RASA3: variants seen among roughly 807,000 people sequenced by gnomAD.
RASA3 encodes ras GTPase-activating protein 3.
A neutral mutation model predicts 110.0 loss-of-function variants in RASA3; 73 were observed. That is an observed-to-expected ratio of 0.66 (90% CI 0.55 to 0.81). The LOEUF (loss-of-function observed/expected upper bound fraction) is 0.81, where lower values mean the gene tolerates loss of function less well. Ranked by LOEUF, RASA3 falls within the 30% of genes least tolerant of loss-of-function variation. The probability of loss-of-function intolerance (pLI) is 0.00; values close to 1 mark genes in which losing one functional copy is unlikely to be tolerated. For synonymous variants in RASA3, 500 were observed against 451.4 expected (o/e 1.11, Z -1.37); for missense variants, 976 against 1,113.2 (o/e 0.88, Z 1.75).
intron 1 of RASA3, chr13:114,078,040 C>G: frequency 1.0e-6 from 1 of 966,564 alleles, no homozygotes; most frequent in Non-Finnish European, 1.2e-6. Flanking sequence ...GCTATGACGA[C>G]AGCAACACCA....
Position 114,018,910 on chromosome 13 carries a change from G to C in RASA3, c.795C>G (p.Leu265=). ...QSSSYEAWYF[L]QPRDNGSKSL... ...TCTTGCTACCATTGTCCCGGGGCTG[G>C]AGGAAGTACCTGGGTGGGAGGGACA... The change falls in exon 10 of 24, where the codon CTC becomes CTG. Residue 265 remains leucine (L), a synonymous_variant. Coordinates refer to ENST00000334062, the MANE Select transcript of RASA3 (RefSeq NM_007368.4). 1.9e-6 allele frequency: 3 copies of C among 1,613,756 alleles called. No individual in the cohort carries two copies. Among genetic ancestry groups the C allele is most frequent in the South Asian group, 1.1e-5 (1 of 91,080 alleles).
chr13:114,118,080 A>G (rs765916180), intron 1 of RASA3, among the ~76,000 whole-genome samples: 2 of 152,112 alleles, frequency 1.3e-5, no homozygotes, highest in African/African-American at 2.4e-5. Flanking sequence ...GCACAATAGT[A>G]GCTCACCTCT....
rs1309337073 is a variant in RASA3 at position 114,056,259 on chromosome 13, T to G, written c.174-4104A>C. 6.6e-6 allele frequency among the ~76,000 whole-genome samples: 1 copy of G among 152,140 alleles called. No individual in the cohort carries two copies. Among genetic ancestry groups the G allele is most frequent in the Non-Finnish European group, 1.5e-5 (1 of 68,024 alleles). The stretch of plus-strand genomic sequence containing the variant: ...TGGTGAGTGGTGAGTGTCTGGTGTG[T>G]GTCTGATGTGTGTCTGATGCATATT... On this transcript the variant is annotated intron_variant, in intron 2 of 23. Transcript: ENST00000334062. This position sits in a 1 kb window ranked among gnomAD's most constrained non-coding sequence, Gnocchi z 5.7.
At chr13:113,980,986 G>A (rs1472624242) in intron 23 of RASA3, among the ~76,000 whole-genome samples, 2 of 152,160 alleles carry the variant, frequency 1.3e-5, no homozygotes, top group East Asian at 1.9e-4. Context: ...GGGCTTACCC[G>A]CCCCTGAATG....
rs1312959349 is a variant in RASA3, at chr13:114,114,116, G to A, written c.55+18319C>T. On this transcript the variant is annotated intron_variant, in intron 1 of 23. Coordinates refer to ENST00000334062, the MANE Select transcript of RASA3 (RefSeq NM_007368.4). This position sits in a 1 kb window ranked among gnomAD's most constrained non-coding sequence, Gnocchi z 4.8. ...GATGTCTGTAGTGTCTGCGATGTCT[G>A]TAGTATCTGCAATGTCCATGCAGCT... 6.6e-6 allele frequency among the ~76,000 whole-genome samples: 1 copy of A among 152,164 alleles called. No individual in the cohort carries two copies. The highest frequency in any genetic ancestry group is 1.5e-5 in the Non-Finnish European group (1 of 68,034).
At chr13:114,015,774 C>T (rs1048022045) in intron 13 of RASA3, among the ~76,000 whole-genome samples, 12 of 152,124 alleles carry the variant, frequency 7.9e-5, no homozygotes, top group African/African-American at 2.9e-4. Flanking sequence ...CCTGGGGAGG[C>T]AGGGAGGCCA....
chr13:114,027,804 C>A (rs764021761), intron 6 of RASA3, 43 bp downstream of exon 6: 19 of 1,579,132 alleles, frequency 1.2e-5, no homozygotes, highest in Admixed American at 3.3e-5. Context: ...GGACCCTAGC[C>A]CCCCAGGACC....
chr13:114,131,128 C>A (rs1434907702), intron 1 of RASA3, among the ~76,000 whole-genome samples: 1 of 152,248 alleles, frequency 6.6e-6, no homozygotes, highest in Non-Finnish European at 1.5e-5. Context: ...AATATCAAGA[C>A]AGTGTCTCAG....
Position 114,030,364 on chromosome 13 carries a change from G to GCTCACACAGCGGGCAAGA in RASA3, c.373-478_373-477insTCTTGCCCGCTGTGTGAG, listed in dbSNP as rs1247941661. Among the ~76,000 whole-genome samples, 999 of 135,500 alleles carry GCTCACACAGCGGGCAAGA rather than the reference G, an allele frequency of 7.4e-3. 4 individuals carry two copies. Among genetic ancestry groups the GCTCACACAGCGGGCAAGA allele is most frequent in the South Asian group, 0.011 (46 of 4,026 alleles). 88.9% of individuals were successfully genotyped at this position (135,500 alleles called of 152,430 possible). On this transcript the variant is annotated intron_variant, in intron 4 of 23. Coordinates refer to ENST00000334062, the MANE Select transcript of RASA3 (RefSeq NM_007368.4). ...TCGGAGAGCTCACACAGAGGGCAAG[G>GCTCACACAGCGGGCAAGA]CTCACACAGAGGGCAAGACTCACAC...
intron 4 of RASA3, among the ~76,000 whole-genome samples, chr13:114,039,746 C>A (rs571148215): frequency 6.6e-6 from 1 of 152,216 alleles, no homozygotes; most frequent in Non-Finnish European, 1.5e-5. Flanking sequence ...GGGCACCGTG[C>A]GTCCGTGAGC....
chr13:114,052,264 C>A, intron 2 of RASA3, 109 bp from the exon 3 acceptor site: 1 of 680,228 alleles, frequency 1.5e-6, no homozygotes, highest in South Asian at 1.8e-5. Flanking sequence ...GAATGCCCTG[C>A]ACTGTGTGGC....
Position 114,051,729 on chromosome 13 carries a change from G to A in RASA3, c.277+323C>T, listed in dbSNP as rs186021769. 2.6e-4 allele frequency among the ~76,000 whole-genome samples: 37 copies of A among 145,034 alleles called. No homozygotes were observed. In the East Asian group the frequency reaches 7.5e-3, roughly 29 times the overall value. On this transcript the variant is annotated intron_variant, in intron 3 of 23. Transcript: ENST00000334062. ...GAGGGAGGCCCCACATCCATGCAAA[G>A]GTCCCCCCACAGATGCCCCGGGGAA...
At position 113,999,670 on chromosome 13, in the gene RASA3, G is replaced by C; in HGVS notation, c.1850-3C>G. ...AATGCTGTAGAGAGGCTGGTCCCCT[G>C]CAGCAGAGATGGACTGTCAGTGGGT... On this transcript the variant is annotated splice_region_variant and splice_polypyrimidine_tract_variant and intron_variant, in intron 19 of 23. Transcript: ENST00000334062. The C allele has an allele frequency of 6.2e-7, 1 of 1,612,168 alleles. No individual in the cohort carries two copies. The highest frequency in any genetic ancestry group is 8.5e-7 in the Non-Finnish European group (1 of 1,179,208).
chr13:113,998,379 G>A (rs909683266), intron 20 of RASA3, among the ~76,000 whole-genome samples: 7 of 152,186 alleles, frequency 4.6e-5, no homozygotes, highest in African/African-American at 1.7e-4. Context: ...TGGACTGCCT[G>A]TGAATAACAT....
chr13:114,000,706 C>G, intron 19 of RASA3, 120 bp downstream of exon 19: 2 of 773,882 alleles, frequency 2.6e-6, no homozygotes, highest in Non-Finnish European at 4.4e-6. Flanking sequence ...ACCGCGGCCC[C>G]GGGCTCTGCC....
intron 1 of RASA3, among the ~76,000 whole-genome samples, chr13:114,106,074 A>C (rs550925683): frequency 6.6e-6 from 1 of 152,216 alleles, no homozygotes; most frequent in Non-Finnish European, 1.5e-5. Context: ...ATGGGTGCAC[A>C]TCGCAGAGCG....
At chr13:114,059,292 C>A (rs1019394300) in intron 2 of RASA3, among the ~76,000 whole-genome samples, 2 of 152,240 alleles carry the variant, frequency 1.3e-5, no homozygotes, top group Admixed American at 6.5e-5. Context: ...CTGCTCCCCC[C>A]AACCTAATTC....
chr13:114,017,107 C>T (rs1046169756), intron 12 of RASA3, 130 bp downstream of exon 12: 8 of 769,646 alleles, frequency 1.0e-5, no homozygotes, highest in Admixed American at 5.6e-5. Flanking sequence ...TCAGCATCCC[C>T]GTGGCGAGGC....
intron 1 of RASA3, among the ~76,000 whole-genome samples, chr13:114,121,459 C>T (rs1288473604): frequency 3.9e-5 from 6 of 152,208 alleles, no homozygotes; most frequent in South Asian, 2.1e-4. Flanking sequence ...AGAAGCCCAC[C>T]GGAGCCTCCC....
Sources: gnomAD v4.1 joint callset for allele counts (sites outside exome capture counted in the v4.1 genomes callset) on GRCh38, gnomAD v4.1.1 for gene constraint, Gnocchi (gnomAD v3.1) non-coding constraint, MANE v1.5 for transcripts, NCBI Gene and HGNC (gene_info 2026-07-23, HGNC 2026-07-21) for gene names.